The following CCDC88C variants were observed in gnomAD, a reference collection of about 807,000 sequenced individuals.
CCDC88C encodes protein Daple.
A neutral mutation model predicts 198.8 loss-of-function variants in CCDC88C; 131 were observed. The ratio of observed to expected loss-of-function variants is 0.66; its 90% CI spans 0.57 to 0.76. The LOEUF is 0.76. Among genes scored for constraint, CCDC88C ranks in the 30% least tolerant of loss-of-function variants. CCDC88C has a pLI of 0.00. For missense variants in CCDC88C, 2,553 were observed against 2,631.6 expected, an observed-to-expected ratio of 0.97 and a Z score of 0.65; for synonymous variants, 1,166 against 1,114.7, an observed-to-expected ratio of 1.05 and a Z score of -0.92.
rs747054 is a variant in CCDC88C, at chr14:91,342,791, G to A, written c.400-328C>T. Among the ~76,000 whole-genome samples the A allele has an allele frequency of 7.3e-3, 1,105 of 152,290 alleles. 20 individuals are homozygous for A. Among genetic ancestry groups the A allele is most frequent in the East Asian group, 0.021 (110 of 5,196 alleles). On this transcript the variant is annotated intron_variant, in intron 5 of 29. Coordinates refer to ENST00000389857, the MANE Select transcript of CCDC88C (RefSeq NM_001080414.4). ...GATTCTTAAGTACAGAAAGACGGGG[G>A]ACACCTGGTTTAGGCCAGGGTGGGG...
chr14:91,276,270 C>T (rs1385115696), intron 29 of CCDC88C, among the ~76,000 whole-genome samples: 25 of 152,216 alleles, frequency 1.6e-4, no homozygotes, highest in Admixed American at 1.2e-3. Context: ...GGCCCCCAGA[C>T]GATTCAAACG....
rs558726008 is a variant in CCDC88C at position 91,303,751 on chromosome 14, T to A, written c.3585A>T (p.Leu1195=). The A allele has an allele frequency of 6.2e-7, 1 of 1,612,410 alleles. No individual in the cohort carries two copies. Among genetic ancestry groups the A allele is most frequent in the African/African-American group, 1.3e-5 (1 of 75,056 alleles). The part of the protein sequence containing the change: ...YEALIRQHSC[L]KTLHRNLELE... Reference sequence around the variant, plus strand: ...GCTCCAGATTCCGATGCAGTGTCTTTAGGCAGCTGTGCTGGCGGATGAGGG... The same window carrying A: ...GCTCCAGATTCCGATGCAGTGTCTTAAGGCAGCTGTGCTGGCGGATGAGGG... Residue 1195 remains leucine, a synonymous_variant, in exon 20 of 30, where the codon CTA becomes CTT. Transcript: ENST00000389857.
At chr14:91,396,760 T>C (rs1272810941) in intron 3 of CCDC88C, among the ~76,000 whole-genome samples, 1 of 152,072 alleles carries the variant, frequency 6.6e-6, no homozygotes, top group Non-Finnish European at 1.5e-5. Flanking sequence ...TGTAAATAAA[T>C]GGCCATGAAT....
At chr14:91,303,289 C>A (rs1236010614) in intron 20 of CCDC88C, among the ~76,000 whole-genome samples, 1 of 150,728 alleles carries the variant, frequency 6.6e-6, no homozygotes, top group Non-Finnish European at 1.5e-5. Context: ...TCTCCTGAGA[C>A]CCTCTCCTGA....
chr14:91,339,116 C>T lies in CCDC88C; in HGVS notation c.809+162G>A, dbSNP rs1294264113. ...CCTGTGCAGGCCTCAGAAGGGGAGG[C>T]AGCTAGTCCGAGGTCAAAGAGTAAG... On this transcript the variant is annotated intron_variant, in intron 8 of 29. Coordinates refer to ENST00000389857, the MANE Select transcript of CCDC88C (RefSeq NM_001080414.4). The surrounding 1 kb of genome is among the most constrained non-coding windows in gnomAD (Gnocchi z 5.8). 10 of 801,586 alleles carry T rather than the reference C, an allele frequency of 1.2e-5. No homozygotes were observed. Among genetic ancestry groups the T allele is most frequent in the Non-Finnish European group, 2.1e-5 (10 of 477,974 alleles). The allele number at this position is 801,586 out of a possible 1,614,324, so 49.7% of individuals were successfully genotyped here.
chr14:91,307,584 C>G (rs1251374271), intron 17 of CCDC88C, among the ~76,000 whole-genome samples: 2 of 152,226 alleles, frequency 1.3e-5, no homozygotes, highest in Non-Finnish European at 2.9e-5. Context: ...TCTCAAAGCC[C>G]CTGCTGGCAC....
At position 91,309,850 on chromosome 14, in the gene CCDC88C, G is replaced by A. The variant is rs773150015; in HGVS notation, c.2864+9C>T. ...TCCCACGATGGGGAGAGGGAGAAGA[G>A]GCCCTCACGTGTCACTGCCGCTGTC... On this transcript the variant is annotated intron_variant, in intron 16 of 29. Coordinates refer to ENST00000389857, the MANE Select transcript of CCDC88C (RefSeq NM_001080414.4). The A allele has an allele frequency of 1.2e-6, 2 of 1,606,558 alleles. No homozygotes were observed. The highest frequency in any genetic ancestry group is 1.7e-6 in the Non-Finnish European group (2 of 1,174,304).
chr14:91,359,251 G>GATTCAC (rs777445668), intron 4 of CCDC88C, among the ~76,000 whole-genome samples: 1 of 149,284 alleles, frequency 6.7e-6, no homozygotes, highest in African/African-American at 2.5e-5. Context: ...GCAAGCTCCG[G>GATTCAC]GCCATTCTCC....
At chr14:91,374,070 C>T (rs1894962788) in intron 3 of CCDC88C, among the ~76,000 whole-genome samples, 2 of 152,224 alleles carry the variant, frequency 1.3e-5, no homozygotes, top group African/African-American at 4.8e-5. Context: ...GGGCTCTGCA[C>T]AGTGTGGCCC....
At chr14:91,329,268 C>T (rs1892710699) in intron 10 of CCDC88C, among the ~76,000 whole-genome samples, 1 of 152,226 alleles carries the variant, frequency 6.6e-6, no homozygotes, top group South Asian at 2.1e-4. Context: ...TGAACCTCAT[C>T]ACAACTCCTC....
chr14:91,373,417 G>GA (rs567029940), intron 3 of CCDC88C, among the ~76,000 whole-genome samples: 2 of 152,250 alleles, frequency 1.3e-5, no homozygotes, highest in African/African-American at 4.8e-5. Flanking sequence ...TGAAGAGAAG[G>GA]AAAAATTCTA....
chr14:91,343,769 A>G (rs1244897396), intron 4 of CCDC88C, 112 bp from the exon 5 acceptor site: 1 of 1,250,336 alleles, frequency 8.0e-7, no homozygotes, highest in Non-Finnish European at 1.1e-6. Flanking sequence ...CTACTCTGTG[A>G]CATTCACTTA....
intron 28 of CCDC88C, among the ~76,000 whole-genome samples, chr14:91,278,843 T>C (rs1890075488): frequency 1.3e-5 from 2 of 148,340 alleles, no homozygotes; most frequent in Admixed American, 1.3e-4. Context: ...GTCATGTATT[T>C]TAAAAATTAT....
intron 2 of CCDC88C, among the ~76,000 whole-genome samples, chr14:91,412,341 A>T (rs181827737): frequency 3.0e-4 from 45 of 152,276 alleles, no homozygotes; most frequent in African/African-American, 1.1e-3. Flanking sequence ...GAATATTGAC[A>T]TTGCTACCTC....
intron 3 of CCDC88C, among the ~76,000 whole-genome samples, chr14:91,387,823 T>C (rs1885235195): frequency 6.6e-6 from 1 of 152,134 alleles, no homozygotes; most frequent in South Asian, 2.1e-4. Context: ...ATGGCCCATG[T>C]TTCAGTTTTC....
rs571881793 is a variant in CCDC88C, at chr14:91,285,432, A to G, written c.4442-1915T>C. 27 of 406,810 alleles carry G rather than the reference A, an allele frequency of 6.6e-5. 1 individual carries two copies. The highest frequency in any genetic ancestry group is 4.1e-4 in the South Asian group (26 of 62,850). The allele number at this position is 406,810 out of a possible 1,614,324, so 25.2% of individuals were successfully genotyped here. A position where few individuals can be genotyped will look rare whatever the true frequency, so the allele number is the denominator to read the frequency against. On this transcript the variant is annotated intron_variant, in intron 25 of 29. Coordinates refer to ENST00000389857, the MANE Select transcript of CCDC88C (RefSeq NM_001080414.4). ...TCCTGGCCCAAGGACATGTGCACGTATATCCTGAGGCTCCCCCTAAAACTG... is the reference window on the plus strand; with the variant it reads ...TCCTGGCCCAAGGACATGTGCACGTGTATCCTGAGGCTCCCCCTAAAACTG...
intron 14 of CCDC88C, among the ~76,000 whole-genome samples, chr14:91,314,528 T>G (rs1299151441): frequency 6.6e-6 from 1 of 152,228 alleles, no homozygotes; most frequent in Non-Finnish European, 1.5e-5. Context: ...GTGAACACTT[T>G]GCACATGCTG....
chr14:91,324,416 T>C (rs569621083), intron 12 of CCDC88C, among the ~76,000 whole-genome samples: 1 of 152,370 alleles, frequency 6.6e-6, no homozygotes, highest in South Asian at 2.1e-4. Context: ...ATAGCAGGGA[T>C]TCGTGGCCAC....
intron 3 of CCDC88C, chr14:91,379,903 AGATTTT>A: frequency 1.4e-6 from 1 of 703,066 alleles, no homozygotes; most frequent in Non-Finnish European, 2.6e-6. Context: ...CAGGATGAGA[AGATTTT>A]ACTAAAGGAA....
Sources: gnomAD v4.1 joint callset for allele counts (sites outside exome capture counted in the v4.1 genomes callset) on GRCh38, gnomAD v4.1.1 for gene constraint, Gnocchi (gnomAD v3.1) non-coding constraint, MANE v1.5 for transcripts, NCBI Gene and HGNC (gene_info 2026-07-23, HGNC 2026-07-21) for gene names.